Variants in RPH3AL observed in about 807,000 individuals in gnomAD.
RPH3AL encodes the protein rabphilin 3A like (without C2 domains), also known as rab effector Noc2.
RPH3AL carries 38 observed loss-of-function variants against 43.1 expected under a neutral mutation model. The observed-to-expected ratio is 0.88, with a 90% CI of 0.68 to 1.15. RPH3AL has a LOEUF of 1.15. Among genes scored for constraint, RPH3AL ranks in the 50% most tolerant of loss-of-function variants. The probability of loss-of-function intolerance (pLI) is 0.00; values close to 1 mark genes in which losing one functional copy is unlikely to be tolerated. For missense variants in RPH3AL, 462 were observed against 423.2 expected (o/e 1.09, Z -0.81); for synonymous variants, 189 against 176.3 (o/e 1.07, Z -0.57).
chr17:292,355 G>T lies in RPH3AL; in HGVS notation c.352-10501C>A, dbSNP rs113919092. ...GCCCTGCTGCCAAATGACTTTAAACGTATAGACAGTTCAGATATTGATGTA... is the reference window on the plus strand; with the variant it reads ...GCCCTGCTGCCAAATGACTTTAAACTTATAGACAGTTCAGATATTGATGTA... On this transcript the variant is annotated intron_variant, in intron 5 of 9. Transcript: ENST00000331302. 6.6e-3 allele frequency among the ~76,000 whole-genome samples: 1,003 copies of T among 152,280 alleles called. 9 individuals are homozygous for T. Among genetic ancestry groups the T allele is most frequent in the African/African-American group, 0.023 (945 of 41,556 alleles).
chr17:309,571 C>CCG lies in RPH3AL; in HGVS notation c.351+9848_351+9849insCG, dbSNP rs2043589006. On this transcript the variant is annotated intron_variant, in intron 5 of 9. Coordinates refer to ENST00000331302, the MANE Select transcript of RPH3AL (RefSeq NM_006987.4). ...GGGGGTCCGGGATATGGCACGTCCCCTGCCCTGCCCCAGGCTCCTGCCAGC... is the reference window on the plus strand; with the variant it reads ...GGGGGTCCGGGATATGGCACGTCCCCCGTGCCCTGCCCCAGGCTCCTGCCAGC... Among the ~76,000 whole-genome samples, 5 of 95,332 alleles carry CCG rather than the reference C, an allele frequency of 5.2e-5. 1 individual carries two copies. Among genetic ancestry groups the CCG allele is most frequent in the South Asian group, 4.4e-4 (1 of 2,290 alleles). The allele number at this position is 95,332 out of a possible 152,430, so 62.5% of individuals were successfully genotyped here. A position where few individuals can be genotyped will look rare whatever the true frequency, so the allele number is the denominator to read the frequency against.
chr17:275,066 T>G (rs1336494140), intron 6 of RPH3AL, among the ~76,000 whole-genome samples: 1 of 152,082 alleles, frequency 6.6e-6, no homozygotes. Flanking sequence ...TGAGCTGGTA[T>G]TAATACAGGC....
chr17:300,663 C>T, intron 5 of RPH3AL, among the ~76,000 whole-genome samples: 1 of 144,892 alleles, frequency 6.9e-6, no homozygotes, highest in African/African-American at 2.7e-5. Context: ...CCAGCCTAGA[C>T]CTGCAGAATC....
In RPH3AL at chr17:274,457, C is replaced by T. The variant is rs1314334823; in HGVS notation, c.438+7311G>A. ...GGGCTGTCCTCCCTCCGCCAACCCT[C>T]CTGTCATCCCTGGGAGATACAGCTT... On this transcript the variant is annotated intron_variant, in intron 6 of 9. Transcript: ENST00000331302. The surrounding 1 kb of genome is among the most constrained non-coding windows in gnomAD (Gnocchi z 4.7). 6.6e-6 allele frequency among the ~76,000 whole-genome samples: 1 copy of T among 152,270 alleles called. No homozygotes were observed. Among genetic ancestry groups the T allele is most frequent in the Non-Finnish European group, 1.5e-5 (1 of 68,050 alleles).
At chr17:315,451 A>G (rs572398192) in intron 5 of RPH3AL, among the ~76,000 whole-genome samples, 2 of 136,582 alleles carry the variant, frequency 1.5e-5, no homozygotes, top group Non-Finnish European at 3.0e-5. Context: ...CCTCACCTCC[A>G]TTGACCTGTA....
At chr17:315,404 C>T (rs71283541) in intron 5 of RPH3AL, among the ~76,000 whole-genome samples, 3 of 145,446 alleles carry the variant, frequency 2.1e-5, no homozygotes, top group Admixed American at 6.8e-5. Flanking sequence ...ACCTGTAGTC[C>T]CTGTGCCCCC....
rs2041085142 is a variant in RPH3AL, at chr17:225,360, C to A, written c.614-5624G>T. On this transcript the variant is annotated intron_variant, in intron 7 of 9. Transcript: ENST00000331302. The surrounding 1 kb of genome is among the most constrained non-coding windows in gnomAD (Gnocchi z 4.4). ...CTTATTTTGCAGTTGTTTTTCGGGT[C>A]CTGGACTGAGCTGCTTTGATCATGA... 6.6e-6 allele frequency among the ~76,000 whole-genome samples: 1 copy of A among 152,090 alleles called. No homozygotes were observed. Among genetic ancestry groups the A allele is most frequent in the African/African-American group, 2.4e-5 (1 of 41,392 alleles).
chr17:337,768 G>C (rs2044999843), intron 1 of RPH3AL, among the ~76,000 whole-genome samples: 1 of 151,150 alleles, frequency 6.6e-6, no homozygotes, highest in Non-Finnish European at 1.5e-5. Flanking sequence ...TCGAGGGCTG[G>C]GCAGGGGTTT....
At chr17:299,007 C>A (rs532362416) in intron 5 of RPH3AL, among the ~76,000 whole-genome samples, 105 of 150,966 alleles carry the variant, frequency 7.0e-4, no homozygotes, top group Non-Finnish European at 1.4e-3. Flanking sequence ...CCTCGGATAC[C>A]ACGTGGGGGT....
intron 6 of RPH3AL, among the ~76,000 whole-genome samples, chr17:278,293 C>T (rs139753263): frequency 1.1e-3 from 175 of 152,254 alleles, no homozygotes; most frequent in East Asian, 4.6e-3. Context: ...TTTCGCCTTC[C>T]GCCGTGATTG....
At chr17:332,738 G>A (rs907954932) in intron 2 of RPH3AL, 11 of 278,808 alleles carry the variant, frequency 3.9e-5, no homozygotes, top group South Asian at 7.4e-5. Context: ...TCCACCTGAC[G>A]GCTGAGCTCG....
chr17:269,105 C>G (rs1597978637), intron 6 of RPH3AL, among the ~76,000 whole-genome samples: 1 of 152,126 alleles, frequency 6.6e-6, no homozygotes, highest in Non-Finnish European at 1.5e-5. Flanking sequence ...GTCTCGATCT[C>G]CTGACCTCAT....
chr17:324,702 G>GCTAGCTAGCTAGCTAGCTATCTATCTAT (rs1301592247), intron 3 of RPH3AL, among the ~76,000 whole-genome samples: 15 of 119,816 alleles, frequency 1.3e-4, no homozygotes, highest in African/African-American at 4.5e-4. Context: ...TAGCTAGCTA[G>GCTAGCTAGCTAGCTAGCTATCTATCTAT]CTATGTACCT....
At chr17:316,748 G>GC (rs1180134618) in intron 5 of RPH3AL, among the ~76,000 whole-genome samples, 6 of 134,040 alleles carry the variant, frequency 4.5e-5, no homozygotes, top group African/African-American at 2.9e-5. Flanking sequence ...TAGTCCATGT[G>GC]CCCCACCTCC....
chr17:260,334 T>C (rs2042168800), intron 6 of RPH3AL, among the ~76,000 whole-genome samples: 1 of 152,208 alleles, frequency 6.6e-6, no homozygotes, highest in African/African-American at 2.4e-5. Flanking sequence ...ACACCTGGGC[T>C]GGAGCTCAGA....
intron 7 of RPH3AL, among the ~76,000 whole-genome samples, chr17:235,488 A>G (rs1425979194): frequency 7.0e-6 from 1 of 143,072 alleles, no homozygotes; most frequent in Non-Finnish European, 1.5e-5. Flanking sequence ...CTCTGCACTA[A>G]CAAGACGGAT....
chr17:220,266 C>A (rs1194376466), intron 7 of RPH3AL, among the ~76,000 whole-genome samples: 2 of 150,826 alleles, frequency 1.3e-5, no homozygotes, highest in African/African-American at 2.4e-5. Context: ...GACAATAGAC[C>A]CAAGAACAAC....
At chr17:263,190 G>A (rs547045240) in intron 6 of RPH3AL, among the ~76,000 whole-genome samples, 19 of 152,290 alleles carry the variant, frequency 1.2e-4, no homozygotes, top group Admixed American at 6.5e-4. Flanking sequence ...GGAGGAAGAG[G>A]CGGCCTCCAT....
At position 225,460 on chromosome 17, in the gene RPH3AL, A is replaced by G. The variant is rs769123106; in HGVS notation, c.614-5724T>C. Among the ~76,000 whole-genome samples, 1 of 152,140 alleles carries G rather than the reference A, an allele frequency of 6.6e-6. No individual in the cohort carries two copies. Among genetic ancestry groups the G allele is most frequent in the Non-Finnish European group, 1.5e-5 (1 of 68,030 alleles). Reference sequence around the variant, plus strand: ...AGTTTTGACTCACTGATGAGATGCCAACCTCATGGGTCCCATGAAAAAGGG... The same window carrying G: ...AGTTTTGACTCACTGATGAGATGCCGACCTCATGGGTCCCATGAAAAAGGG... On this transcript the variant is annotated intron_variant, in intron 7 of 9. Coordinates refer to ENST00000331302, the MANE Select transcript of RPH3AL (RefSeq NM_006987.4). This position sits in a 1 kb window ranked among gnomAD's most constrained non-coding sequence, Gnocchi z 4.4.
Sources: allele counts gnomAD v4.1 joint callset (sites outside exome capture counted in the v4.1 genomes callset), GRCh38; gene constraint gnomAD v4.1.1; non-coding constraint Gnocchi (gnomAD v3.1); transcripts MANE v1.5; gene names NCBI Gene and HGNC (gene_info 2026-07-23, HGNC 2026-07-21).